CNTN4: variants seen among roughly 807,000 people sequenced by gnomAD.
CNTN4 encodes contactin-4.
Under a neutral mutation model 122.5 loss-of-function variants are expected in CNTN4, and 77 were observed. That is an observed-to-expected ratio of 0.63 (90% CI 0.52 to 0.76). The LOEUF (loss-of-function observed/expected upper bound fraction) is 0.76, where lower values mean the gene tolerates loss of function less well. Ranked by LOEUF, CNTN4 falls within the 30% of genes least tolerant of loss-of-function variation. The pLI is 0.00. For synonymous variants in CNTN4, 512 were observed against 447.0 expected (o/e 1.15, Z -1.83); for missense variants, 1,256 against 1,259.1 (o/e 1.00, Z 0.04).
At chr3:2,589,252 C>T (rs769098176) in intron 4 of CNTN4, among the ~76,000 whole-genome samples, 9 of 152,164 alleles carry the variant, frequency 5.9e-5, no homozygotes, top group Admixed American at 5.2e-4. Context: ...GGAGATTTGA[C>T]ACAGAAACCA....
At chr3:2,161,990 A>G (rs1276010546) in intron 2 of CNTN4, among the ~76,000 whole-genome samples, 3 of 152,244 alleles carry the variant, frequency 2.0e-5, no homozygotes, top group African/African-American at 7.2e-5. Context: ...AGGTAAAACC[A>G]CTGCCATTTT....
At chr3:2,763,726 T>C (rs544051070) in intron 6 of CNTN4, among the ~76,000 whole-genome samples, 4 of 152,334 alleles carry the variant, frequency 2.6e-5, no homozygotes, top group Non-Finnish European at 5.9e-5. Context: ...CGGCACCATT[T>C]ATTGAATAAG....
At chr3:2,642,336 A>G (rs1215937443) in intron 4 of CNTN4, among the ~76,000 whole-genome samples, 3 of 152,124 alleles carry the variant, frequency 2.0e-5, no homozygotes, top group African/African-American at 4.8e-5. Context: ...GATGGTGCCC[A>G]CCCAGATTGA....
intron 13 of CNTN4, among the ~76,000 whole-genome samples, chr3:2,952,820 A>G (rs961252414): frequency 6.6e-6 from 1 of 152,176 alleles, no homozygotes; most frequent in African/African-American, 2.4e-5. Context: ...AATACCAACT[A>G]TGGGAATTAC....
At chr3:2,556,746 G>C (rs1183136543) in intron 3 of CNTN4, among the ~76,000 whole-genome samples, 1 of 151,838 alleles carries the variant, frequency 6.6e-6, no homozygotes, top group Non-Finnish European at 1.5e-5. Flanking sequence ...TATTTTTCCT[G>C]TATTCTAACC....
At chr3:2,925,849 T>C in intron 13 of CNTN4, 70 bp downstream of exon 13, 1 of 1,377,550 alleles carries the variant, frequency 7.3e-7, no homozygotes. Flanking sequence ...TTAATAATTC[T>C]AAGGGGAAGG....
intron 10 of CNTN4, among the ~76,000 whole-genome samples, chr3:2,892,765 A>G (rs1451181909): frequency 1.3e-5 from 2 of 152,218 alleles, no homozygotes; most frequent in East Asian, 3.9e-4. Context: ...GGAATCTAAT[A>G]TTTGAGCAGT....
At chr3:2,154,016 G>A (rs1325603716) in intron 2 of CNTN4, among the ~76,000 whole-genome samples, 1 of 152,076 alleles carries the variant, frequency 6.6e-6, no homozygotes, top group Non-Finnish European at 1.5e-5. Flanking sequence ...CTGGTTTGAA[G>A]CAATATATAT....
chr3:2,889,558 G>T (rs145599177), intron 10 of CNTN4, among the ~76,000 whole-genome samples: 1 of 152,052 alleles, frequency 6.6e-6, no homozygotes, highest in African/African-American at 2.4e-5. Flanking sequence ...TGTAGGGCTC[G>T]TTTTTCTCAC....
chr3:2,209,717 T>A (rs1157219763), intron 2 of CNTN4, among the ~76,000 whole-genome samples: 1 of 152,186 alleles, frequency 6.6e-6, no homozygotes, highest in Admixed American at 6.5e-5. Context: ...GTAGCTCTAT[T>A]GATAAAGCTA....
At chr3:2,886,085 C>T (rs1031631922) in intron 9 of CNTN4, among the ~76,000 whole-genome samples, 1 of 152,104 alleles carries the variant, frequency 6.6e-6, no homozygotes, top group African/African-American at 2.4e-5. Context: ...CTACCAGATT[C>T]AAGGGGAGGG....
intron 4 of CNTN4, among the ~76,000 whole-genome samples, chr3:2,664,075 G>A (rs970802057): frequency 1.3e-5 from 2 of 152,168 alleles, no homozygotes; most frequent in East Asian, 1.9e-4. Flanking sequence ...GGAAAATATT[G>A]TAAATTTGAT....
intron 2 of CNTN4, among the ~76,000 whole-genome samples, chr3:2,160,146 T>A (rs1017753848): frequency 6.6e-6 from 1 of 152,178 alleles, no homozygotes; most frequent in Non-Finnish European, 1.5e-5. Flanking sequence ...ATTATAATTT[T>A]AAATTTTTTA....
chr3:2,243,149 C>G (rs1456775917), intron 2 of CNTN4, among the ~76,000 whole-genome samples: 2 of 152,138 alleles, frequency 1.3e-5, no homozygotes, highest in African/African-American at 4.8e-5. Flanking sequence ...TCCTCTGCCA[C>G]TGTCCTCTTA....
intron 2 of CNTN4, among the ~76,000 whole-genome samples, chr3:2,295,014 T>C (rs554529787): frequency 1.3e-5 from 2 of 152,126 alleles, no homozygotes; most frequent in East Asian, 3.9e-4. Flanking sequence ...AACTCATCAT[T>C]TTTTATGGCT....
intron 2 of CNTN4, among the ~76,000 whole-genome samples, chr3:2,232,412 A>T (rs546378251): frequency 2.2e-4 from 33 of 152,290 alleles, no homozygotes; most frequent in African/African-American, 7.9e-4. Flanking sequence ...GAGTGAATGC[A>T]TGAGAACAAC....
chr3:2,525,739 T>G (rs2077376638), intron 3 of CNTN4, among the ~76,000 whole-genome samples: 1 of 152,200 alleles, frequency 6.6e-6, no homozygotes, highest in Admixed American at 6.6e-5. Flanking sequence ...TCTGGCTTTC[T>G]AAGAATATTG....
intron 4 of CNTN4, among the ~76,000 whole-genome samples, chr3:2,690,669 TG>T (rs2085686033): frequency 6.6e-6 from 1 of 152,138 alleles, no homozygotes; most frequent in Admixed American, 6.6e-5. Flanking sequence ...CTATAGCCTA[TG>T]GGGGCAAATC....
At chr3:2,889,259 G>A (rs535174729) in intron 10 of CNTN4, among the ~76,000 whole-genome samples, 1 of 152,202 alleles carries the variant, frequency 6.6e-6, no homozygotes, top group Non-Finnish European at 1.5e-5. Context: ...ACACAGAGTT[G>A]TAGAAAGTAT....
Sources: gnomAD v4.1 joint callset for allele counts (sites outside exome capture counted in the v4.1 genomes callset) on GRCh38, gnomAD v4.1.1 for gene constraint, MANE v1.5 for transcripts, NCBI Gene and HGNC (gene_info 2026-07-23, HGNC 2026-07-21) for gene names.